The following TTC28 variants were observed in gnomAD, a reference collection of about 807,000 sequenced individuals.
TTC28 encodes tetratricopeptide repeat protein 28.
A neutral mutation model predicts 198.0 loss-of-function variants in TTC28; 61 were observed. The ratio of observed to expected loss-of-function variants is 0.31; its 90% confidence interval spans 0.25 to 0.38. TTC28 has a LOEUF of 0.38. Among genes scored for constraint, TTC28 ranks in the 10% least tolerant of loss-of-function variants. TTC28 has a pLI of 1.00. For missense variants in TTC28, 2,678 were observed against 3,164.0 expected, an observed-to-expected ratio of 0.85 and a Z score of 3.69; for synonymous variants, 1,171 against 1,297.8, an observed-to-expected ratio of 0.90 and a Z score of 2.10.
intron 5 of TTC28, among the ~76,000 whole-genome samples, chr22:28,251,417 T>C (rs915680357): frequency 4.6e-5 from 7 of 152,222 alleles, no homozygotes; most frequent in African/African-American, 1.4e-4. Flanking sequence ...TTGTGTCCAC[T>C]GGGCCTGAAA....
chr22:28,035,081 G>T (rs1290225387), intron 12 of TTC28, among the ~76,000 whole-genome samples: 1 of 152,256 alleles, frequency 6.6e-6, no homozygotes, highest in East Asian at 1.9e-4. Context: ...CCAAGAACAC[G>T]CTTGCTCCCT....
At chr22:28,437,192 CG>C (rs2047533493) in intron 2 of TTC28, among the ~76,000 whole-genome samples, 1 of 152,080 alleles carries the variant, frequency 6.6e-6, no homozygotes, top group South Asian at 2.1e-4. Context: ...AAGCGATTCT[CG>C]TGCCTCAGCC....
intron 2 of TTC28, among the ~76,000 whole-genome samples, chr22:28,576,119 A>C (rs2050145863): frequency 6.6e-6 from 1 of 151,656 alleles, no homozygotes; most frequent in Non-Finnish European, 1.5e-5. Flanking sequence ...GTGTAATACT[A>C]GCTGTAGCTC....
intron 2 of TTC28, among the ~76,000 whole-genome samples, chr22:28,601,511 G>A (rs2050638261): frequency 6.6e-6 from 1 of 152,040 alleles, no homozygotes; most frequent in Non-Finnish European, 1.5e-5. Context: ...CATTTACATT[G>A]TATTAAATAT....
chr22:28,507,874 C>G (rs1183112809), intron 2 of TTC28, among the ~76,000 whole-genome samples: 1 of 152,122 alleles, frequency 6.6e-6, no homozygotes, highest in Non-Finnish European at 1.5e-5. Context: ...AATTCGTCAC[C>G]ACCAGGCCTG....
chr22:28,442,849 G>C (rs1050623669), intron 2 of TTC28: 7 of 152,396 alleles, frequency 4.6e-5, no homozygotes, highest in Admixed American at 4.6e-4. Flanking sequence ...CCCCGGGTTG[G>C]GCTTTGGGGC....
chr22:28,310,498 T>C (rs1361003089), intron 2 of TTC28, among the ~76,000 whole-genome samples: 1 of 152,180 alleles, frequency 6.6e-6, no homozygotes, highest in Non-Finnish European at 1.5e-5. Flanking sequence ...GAAAGACCTT[T>C]AGTCTTTACT....
At chr22:28,193,009 C>T (rs537398504) in intron 5 of TTC28, among the ~76,000 whole-genome samples, 9 of 152,040 alleles carry the variant, frequency 5.9e-5, no homozygotes, top group South Asian at 2.1e-4. Flanking sequence ...AAAGTTGAAA[C>T]GAAGGAAAAA....
At chr22:28,046,069 A>C (rs533710445) in intron 12 of TTC28, among the ~76,000 whole-genome samples, 9 of 152,362 alleles carry the variant, frequency 5.9e-5, no homozygotes, top group Non-Finnish European at 1.0e-4. Context: ...TATACAAATG[A>C]AAGTTGTTAT....
intron 2 of TTC28, among the ~76,000 whole-genome samples, chr22:28,618,090 T>G (rs557054683): frequency 3.3e-5 from 5 of 151,840 alleles, no homozygotes; most frequent in Non-Finnish European, 5.9e-5. Context: ...CTGGCCAACA[T>G]GATGAAACTC....
chr22:28,557,674 C>T (rs1245306151), intron 2 of TTC28, among the ~76,000 whole-genome samples: 1 of 152,168 alleles, frequency 6.6e-6, no homozygotes, highest in Non-Finnish European at 1.5e-5. Context: ...TTTCAGCCAA[C>T]TCCTTAATAA....
At chr22:28,301,106 T>C (rs1259262009) in intron 3 of TTC28, among the ~76,000 whole-genome samples, 1 of 152,222 alleles carries the variant, frequency 6.6e-6, no homozygotes, top group East Asian at 1.9e-4. Flanking sequence ...TGTAATTATG[T>C]CTCACTGGTC....
chr22:28,472,552 A>G (rs5762643), intron 2 of TTC28, among the ~76,000 whole-genome samples: 8,375 of 114,892 alleles, frequency 0.073, 433 homozygotes, highest in Middle Eastern at 0.17. Flanking sequence ...GAAAATGTGT[A>G]TGTGTGTGTG....
At chr22:28,678,539 A>G (rs2145723783) in intron 1 of TTC28, among the ~76,000 whole-genome samples, 1 of 152,378 alleles carries the variant, frequency 6.6e-6, no homozygotes, top group South Asian at 2.1e-4. Context: ...GATAGTGTAT[A>G]CTAAGCAACA....
chr22:28,552,757 CT>C (rs2049699820), intron 2 of TTC28, among the ~76,000 whole-genome samples: 2 of 144,104 alleles, frequency 1.4e-5, no homozygotes, highest in Non-Finnish European at 1.6e-5. Flanking sequence ...CTCCCTCTCC[CT>C]CTCCGCCTCC....
chr22:28,010,315 C>T (rs1490210400), intron 14 of TTC28, among the ~76,000 whole-genome samples: 1 of 152,210 alleles, frequency 6.6e-6, no homozygotes, highest in Non-Finnish European at 1.5e-5. Context: ...AGCACCCCTA[C>T]AGGAAAACTA....
intron 2 of TTC28, among the ~76,000 whole-genome samples, chr22:28,324,758 T>A (rs2045500671): frequency 6.6e-6 from 1 of 152,058 alleles, no homozygotes. Context: ...TAAGAGCTAT[T>A]TATGACAAAC....
At chr22:28,428,787 C>T (rs2047390831) in intron 2 of TTC28, among the ~76,000 whole-genome samples, 1 of 151,782 alleles carries the variant, frequency 6.6e-6, no homozygotes, top group African/African-American at 2.4e-5. Context: ...TACAGGCACC[C>T]GCCACCACGC....
At chr22:28,165,360 C>G (rs1921802833) in intron 5 of TTC28, among the ~76,000 whole-genome samples, 1 of 151,960 alleles carries the variant, frequency 6.6e-6, no homozygotes, top group African/African-American at 2.4e-5. Context: ...AAGAGCAACG[C>G]CAAGACACAT....
Sources: gnomAD v4.1 joint callset for allele counts (sites outside exome capture counted in the v4.1 genomes callset) on GRCh38, gnomAD v4.1.1 for gene constraint, MANE v1.5 for transcripts, NCBI Gene and HGNC (gene_info 2026-07-23, HGNC 2026-07-21) for gene names.